The following DLC1 variants were observed in gnomAD, a reference collection of about 807,000 sequenced individuals.
DLC1 encodes the protein rho GTPase-activating protein 7.
DLC1 carries 54 observed loss-of-function variants against 140.3 expected under a neutral mutation model. The observed-to-expected ratio is 0.38, with a 90% CI of 0.31 to 0.48. DLC1 has a LOEUF of 0.48. DLC1 is among the 20% of genes least tolerant of loss of function. The pLI is 0.96. For missense variants in DLC1, 2,536 were observed against 1,907.0 expected (o/e 1.33, Z -6.14); for synonymous variants, 986 against 728.1 (o/e 1.35, Z -5.70).
intron 2 of DLC1, among the ~76,000 whole-genome samples, chr8:13,487,324 C>A (rs926111294): frequency 6.6e-6 from 1 of 152,112 alleles, no homozygotes; most frequent in African/African-American, 2.4e-5. Flanking sequence ...GGGCTATCTA[C>A]ATGTCATAAT....
At position 13,211,546 on chromosome 8, in the gene DLC1, A is replaced by G. The variant is rs368086656; in HGVS notation, c.1348+93723T>C. Reference sequence around the variant, plus strand: ...CACTTGCATCAGCTGGGTGTGGGGAAGACAGAGAAGGAGAGCAATATCTTC... The same window carrying G: ...CACTTGCATCAGCTGGGTGTGGGGAGGACAGAGAAGGAGAGCAATATCTTC... On this transcript the variant is annotated intron_variant, in intron 5 of 17. Coordinates refer to ENST00000276297, the MANE Select transcript of DLC1 (RefSeq NM_182643.3). Among the ~76,000 whole-genome samples, 11 of 152,336 alleles carry G rather than the reference A, an allele frequency of 7.2e-5. No individual in the cohort carries two copies. In the East Asian group the frequency reaches 2.1e-3, roughly 29 times the overall value.
At position 13,333,857 on chromosome 8, in the gene DLC1, C is replaced by T. The variant is rs535839486; in HGVS notation, c.1315-28555G>A. On this transcript the variant is annotated intron_variant, in intron 4 of 17. Coordinates refer to ENST00000276297, the MANE Select transcript of DLC1 (RefSeq NM_182643.3). ...GACAGCTTTAAAAGATCTTAGCAAA[C>T]ACAGAGTTATTCAGACACAGAAAAT... Among the ~76,000 whole-genome samples the T allele has an allele frequency of 2.7e-3, 417 of 152,226 alleles. 2 individuals carry two copies. Among genetic ancestry groups the T allele is most frequent in the African/African-American group, 9.7e-3 (404 of 41,554 alleles).
At chr8:13,398,619 A>AAAAT (rs1458843998) in intron 3 of DLC1, among the ~76,000 whole-genome samples, 1 of 151,572 alleles carries the variant, frequency 6.6e-6, no homozygotes, top group Non-Finnish European at 1.5e-5. Context: ...AAAAAAAAAA[A>AAAAT]AAAAAATTAG....
intron 16 of DLC1, among the ~76,000 whole-genome samples, 176 bp from the exon 17 acceptor site, chr8:13,086,639 G>A (rs867305940): frequency 3.3e-5 from 5 of 152,304 alleles, no homozygotes; most frequent in Middle Eastern, 3.4e-3. Context: ...GTGTACATGT[G>A]TTCCCCAAAA....
chr8:13,351,579 A>C (rs1423689959), intron 4 of DLC1, among the ~76,000 whole-genome samples: 1 of 152,252 alleles, frequency 6.6e-6, no homozygotes, highest in Non-Finnish European at 1.5e-5. Flanking sequence ...TAGTGTCCAC[A>C]AGAACACATA....
upstream of DLC1, among the ~76,000 whole-genome samples, chr8:13,515,056 T>C (rs972579962): frequency 3.3e-5 from 5 of 151,888 alleles, no homozygotes; most frequent in African/African-American, 9.7e-5. Flanking sequence ...AGCTGTAGAG[T>C]CATAAAGTCC....
At chr8:13,421,650 G>T (rs1585079988) in intron 2 of DLC1, among the ~76,000 whole-genome samples, 1 of 152,038 alleles carries the variant, frequency 6.6e-6, no homozygotes, top group East Asian at 1.9e-4. Flanking sequence ...ACGTCTTTGT[G>T]GTATAATATT....
At chr8:13,430,744 T>C (rs1193836879) in intron 2 of DLC1, among the ~76,000 whole-genome samples, 2 of 152,224 alleles carry the variant, frequency 1.3e-5, no homozygotes, top group African/African-American at 4.8e-5. Flanking sequence ...ATTTATTTCT[T>C]GGTTAAAATT....
chr8:13,253,370 G>T (rs17793235), intron 5 of DLC1, among the ~76,000 whole-genome samples: 5,817 of 152,182 alleles, frequency 0.038, 161 homozygotes, highest in South Asian at 0.067. Context: ...CATTGTGAGA[G>T]GACTTGCTTT....
chr8:13,148,151 T>C (rs551331912), intron 5 of DLC1, among the ~76,000 whole-genome samples: 1 of 152,038 alleles, frequency 6.6e-6, no homozygotes, highest in Admixed American at 6.6e-5. Context: ...CTGGGGTACA[T>C]GTGCAGGTGA....
rs146959068 is a variant in DLC1, at chr8:13,575,571, A to T, written c.-126+28966T>A. ...ATGGGGCAGAAGAGTGGGGCTTGAA[A>T]GCCTTCAGCTGTTAAACATAAAAAA... On this transcript the variant is annotated intron_variant, in intron 1 of 1. Coordinates refer to the DLC1 transcript ENST00000631382. 5.2e-3 allele frequency among the ~76,000 whole-genome samples: 787 copies of T among 152,268 alleles called. 10 individuals carry two copies. The highest frequency in any genetic ancestry group is 7.0e-3 in the Non-Finnish European group (475 of 68,016).
chr8:13,475,107 C>A (rs1323342987), intron 2 of DLC1, among the ~76,000 whole-genome samples: 1 of 98,246 alleles, frequency 1.0e-5, no homozygotes, highest in Non-Finnish European at 2.1e-5. Flanking sequence ...GCCACTGCAT[C>A]CAGCAAAATG....
chr8:13,087,665 A>G (rs1471598632), intron 16 of DLC1, among the ~76,000 whole-genome samples: 1 of 152,186 alleles, frequency 6.6e-6, no homozygotes, highest in East Asian at 1.9e-4. Flanking sequence ...TGTAGCTTAA[A>G]ACCATTTTTC....
At chr8:13,219,153 A>G (rs1484192253) in intron 5 of DLC1, among the ~76,000 whole-genome samples, 32 of 57,126 alleles carry the variant, frequency 5.6e-4, no homozygotes, top group Non-Finnish European at 8.1e-4. Context: ...TAATTATATA[A>G]TTATATGAAT....
intron 4 of DLC1, among the ~76,000 whole-genome samples, chr8:13,359,031 C>T (rs973433225): frequency 2.0e-5 from 3 of 152,120 alleles, no homozygotes; most frequent in Admixed American, 6.5e-5. Flanking sequence ...CTCCGCGTCC[C>T]GGGTTCACGC....
intron 1 of DLC1, among the ~76,000 whole-genome samples, chr8:13,522,443 G>C (rs1802793534): frequency 6.6e-6 from 1 of 151,968 alleles, no homozygotes; most frequent in Non-Finnish European, 1.5e-5. Flanking sequence ...TGGCCAACAT[G>C]GTGAGACCCT....
At chr8:13,176,534 G>T (rs776477614) in intron 5 of DLC1, among the ~76,000 whole-genome samples, 1 of 152,114 alleles carries the variant, frequency 6.6e-6, no homozygotes, top group Non-Finnish European at 1.5e-5. Flanking sequence ...AGCCAAGATT[G>T]TGCCACTGCA....
chr8:13,122,046 C>G (rs1010890449), intron 5 of DLC1, among the ~76,000 whole-genome samples: 5 of 152,186 alleles, frequency 3.3e-5, no homozygotes, highest in Non-Finnish European at 5.9e-5. Flanking sequence ...ATTATCCTAA[C>G]AGCCTCCTCA....
intron 2 of DLC1, among the ~76,000 whole-genome samples, chr8:13,495,283 C>T (rs553700845): frequency 6.6e-6 from 1 of 152,142 alleles, no homozygotes; most frequent in East Asian, 1.9e-4. Context: ...AATGTCTAAC[C>T]TCAAGTCTTT....
Sources: gnomAD v4.1 joint callset for allele counts (sites outside exome capture counted in the v4.1 genomes callset) on GRCh38, gnomAD v4.1.1 for gene constraint, MANE v1.5 for transcripts, NCBI Gene and HGNC (gene_info 2026-07-23, HGNC 2026-07-21) for gene names.